The following RBFOX2 variants were observed in gnomAD, a reference collection of about 807,000 sequenced individuals.
RBFOX2 encodes RNA binding protein fox-1 homolog 2.
RBFOX2 carries 10 observed loss-of-function variants against 49.1 expected under a neutral mutation model. That is an observed-to-expected ratio of 0.20 (90% CI 0.13 to 0.35). The LOEUF is 0.35. RBFOX2 is among the 10% of genes least tolerant of loss of function. The pLI is 1.00. For missense variants in RBFOX2, 323 were observed against 486.9 expected (o/e 0.66, Z 3.17); for synonymous variants, 183 against 187.4 (o/e 0.98, Z 0.19).
chr22:35,911,103 C>G (rs2049767407), intron 1 of RBFOX2, among the ~76,000 whole-genome samples: 1 of 152,008 alleles, frequency 6.6e-6, no homozygotes, highest in Non-Finnish European at 1.5e-5. Flanking sequence ...AACATAGTTT[C>G]CACTTTAAGC....
chr22:35,809,784 A>G (rs773126717), exon 2 of RBFOX2: 1 of 1,595,858 alleles, frequency 6.3e-7, no homozygotes, highest in South Asian at 1.1e-5. Flanking sequence ...ACGTACCGTA[A>G]GAGATCCATT....
rs140666179 is a variant in RBFOX2, at chr22:36,019,265, C to T, written c.186+8975G>A. ...CTTAGCAAAGAATTGTCTCCCCTTC[C>T]TCTGACAAGAGAGACCACAATGACC... is the stretch of plus-strand genomic sequence containing the variant. On this transcript the variant is annotated intron_variant, in intron 1 of 13. Coordinates refer to the RBFOX2 transcript ENST00000438146. Among the ~76,000 whole-genome samples, 40 of 152,272 alleles carry T rather than the reference C, an allele frequency of 2.6e-4. No homozygotes were observed. In the East Asian group the frequency reaches 7.3e-3, roughly 28 times the overall value.
intron 1 of RBFOX2, among the ~76,000 whole-genome samples, chr22:35,888,394 G>A (rs760278431): frequency 6.6e-6 from 1 of 152,184 alleles, no homozygotes; most frequent in African/African-American, 2.4e-5. Context: ...TCAAGGTTCC[G>A]TGTGCTTACA....
upstream of RBFOX2, among the ~76,000 whole-genome samples, chr22:35,844,590 G>A (rs1486870029): frequency 6.6e-6 from 1 of 150,998 alleles, no homozygotes; most frequent in African/African-American, 2.4e-5. Flanking sequence ...CACCTCCCAG[G>A]TTCAAGCGAT....
At chr22:35,770,467 C>A (rs1445831935) in intron 4 of RBFOX2, among the ~76,000 whole-genome samples, 1 of 151,996 alleles carries the variant, frequency 6.6e-6, no homozygotes, top group African/African-American at 2.4e-5. Context: ...TAAATATAAC[C>A]ATGAAGTAAA....
intron 9 of RBFOX2, chr22:35,747,932 AG>A (rs1399155261): frequency 6.6e-6 from 1 of 152,184 alleles, no homozygotes; most frequent in African/African-American, 2.4e-5. Flanking sequence ...CTTGGGATTG[AG>A]AACAACTATT....
chr22:35,847,794 G>A (rs1201645815), intron 1 of RBFOX2, among the ~76,000 whole-genome samples: 1 of 152,060 alleles, frequency 6.6e-6, no homozygotes, highest in Non-Finnish European at 1.5e-5. Context: ...AGCCAGGAAA[G>A]TGTAGTTTCA....
At chr22:36,017,519 A>C (rs545648784) in intron 1 of RBFOX2, among the ~76,000 whole-genome samples, 32 of 152,186 alleles carry the variant, frequency 2.1e-4, no homozygotes, top group Middle Eastern at 6.8e-3. Context: ...GAAGAGCAAA[A>C]ACTCGGTCTC....
intron 2 of RBFOX2, among the ~76,000 whole-genome samples, chr22:35,788,355 T>C (rs926255270): frequency 2.6e-5 from 4 of 152,234 alleles, no homozygotes; most frequent in Admixed American, 2.0e-4. Flanking sequence ...TTTTGATTTA[T>C]GGATTATCCA....
intron 1 of RBFOX2, among the ~76,000 whole-genome samples, chr22:35,977,919 G>A (rs1444583548): frequency 6.6e-6 from 1 of 151,536 alleles, no homozygotes; most frequent in Non-Finnish European, 1.5e-5. Context: ...AGGACAGCAG[G>A]CCCAGAGGCC....
intron 1 of RBFOX2, among the ~76,000 whole-genome samples, chr22:35,923,520 C>T (rs2051261177): frequency 6.6e-6 from 1 of 152,104 alleles, no homozygotes; most frequent in Non-Finnish European, 1.5e-5. Flanking sequence ...TACAGGTGCA[C>T]ACCACCACAT....
At chr22:35,763,777 T>A (rs536156278) in intron 6 of RBFOX2, among the ~76,000 whole-genome samples, 152 of 152,118 alleles carry the variant, frequency 1.0e-3, no homozygotes, top group African/African-American at 3.5e-3. Context: ...GCTGGGAGGG[T>A]TGAGTTTCAA....
chr22:35,913,675 A>C (rs185430698), intron 1 of RBFOX2, among the ~76,000 whole-genome samples: 1 of 151,900 alleles, frequency 6.6e-6, no homozygotes, highest in Admixed American at 6.6e-5. Context: ...ATATCATAGA[A>C]ATTCCAGGTG....
At chr22:35,814,106 G>C (rs1395378401) in intron 1 of RBFOX2, among the ~76,000 whole-genome samples, 1 of 152,284 alleles carries the variant, frequency 6.6e-6, no homozygotes, top group South Asian at 2.1e-4. Flanking sequence ...TAGTAACAGA[G>C]GCGATACATA....
At chr22:35,886,385 A>T (rs2046580409) in intron 1 of RBFOX2, among the ~76,000 whole-genome samples, 1 of 152,222 alleles carries the variant, frequency 6.6e-6, no homozygotes, top group Admixed American at 6.5e-5. Context: ...CTAAACAGGA[A>T]TGTAATGCTT....
In RBFOX2 at chr22:35,819,942, G is replaced by T. The variant is rs931825251; in HGVS notation, c.28-9938C>A. ...CAACAAGCTATACGTGTATCTGGATGGAAGAAGACTCCAGACAAAGGGAAC... is the reference window on the plus strand; with the variant it reads ...CAACAAGCTATACGTGTATCTGGATTGAAGAAGACTCCAGACAAAGGGAAC... On this transcript the variant is annotated intron_variant, in intron 1 of 11. Coordinates refer to ENST00000405409, the Ensembl canonical transcript of RBFOX2. Among the ~76,000 whole-genome samples the T allele has an allele frequency of 3.1e-4, 47 of 152,232 alleles. 1 individual carries two copies. The highest frequency in any genetic ancestry group is 8.5e-4 in the Admixed American group (13 of 15,282).
chr22:36,026,772 A>G (rs538930568), intron 1 of RBFOX2, among the ~76,000 whole-genome samples: 11 of 152,354 alleles, frequency 7.2e-5, no homozygotes, highest in African/African-American at 2.6e-4. Context: ...TTCAAAAATA[A>G]ACACCAAGAG....
At chr22:35,782,873 A>G (rs993955710) in intron 2 of RBFOX2, among the ~76,000 whole-genome samples, 1 of 152,102 alleles carries the variant, frequency 6.6e-6, no homozygotes, top group Non-Finnish European at 1.5e-5. Context: ...TTTATTTTTT[A>G]ATTTTTTACT....
chr22:35,805,376 T>C (rs986877051), intron 2 of RBFOX2, among the ~76,000 whole-genome samples: 9 of 150,260 alleles, frequency 6.0e-5, no homozygotes, highest in African/African-American at 2.2e-4. Flanking sequence ...AATAACCACA[T>C]GGAAGGATAT....
Sources: allele counts gnomAD v4.1 joint callset (sites outside exome capture counted in the v4.1 genomes callset), GRCh38; gene constraint gnomAD v4.1.1; transcripts MANE v1.5; gene names NCBI Gene and HGNC (gene_info 2026-07-23, HGNC 2026-07-21).